SRC: variants seen among roughly 807,000 people sequenced by gnomAD.
SRC encodes the protein proto-oncogene tyrosine-protein kinase Src.
In SRC, 13 loss-of-function variants were observed where a neutral mutation model predicts 62.9. The ratio of observed to expected loss-of-function variants is 0.21; its 90% CI spans 0.13 to 0.33. SRC has a LOEUF of 0.33. Among genes scored for constraint, SRC ranks in the 10% least tolerant of loss-of-function variants. The pLI is 1.00. For synonymous variants in SRC, 302 were observed against 317.5 expected (o/e 0.95, Z 0.52); for missense variants, 457 against 737.3 (o/e 0.62, Z 4.40).
Position 37,398,646 on chromosome 20 carries a change from G to T in SRC, c.859+792G>T, listed in dbSNP as rs906202323. 2.0e-5 allele frequency among the ~76,000 whole-genome samples: 3 copies of T among 152,260 alleles called. No individual in the cohort carries two copies. The highest frequency in any genetic ancestry group is 4.4e-5 in the Non-Finnish European group (3 of 68,042). The stretch of plus-strand genomic sequence containing the variant: ...TGGAGGCTGGAGGTCAGGCTGTCCG[G>T]GAAGGGGAGGCGTGGGCTTTGAGCT... On this transcript the variant is annotated intron_variant, in intron 9 of 13. Transcript: ENST00000373578. The surrounding 1 kb of genome is among the most constrained non-coding windows in gnomAD (Gnocchi z 5.2).
intron 1 of SRC, among the ~76,000 whole-genome samples, chr20:37,349,927 C>T (rs576204153): frequency 1.6e-4 from 25 of 152,356 alleles, no homozygotes; most frequent in African/African-American, 6.0e-4. Flanking sequence ...AGTACTAAGA[C>T]CCAGGAAGGG....
At position 37,384,081 on chromosome 20, in the gene SRC, T is replaced by C; in HGVS notation, c.-4-69T>C. On this transcript the variant is annotated intron_variant, in intron 3 of 13. Coordinates refer to ENST00000373578, the MANE Select transcript of SRC (RefSeq NM_198291.3). This position sits in a 1 kb window ranked among gnomAD's most constrained non-coding sequence, Gnocchi z 6.7. The stretch of plus-strand genomic sequence containing the variant: ...TCGTTTTCCCTATCTGTGGAATGGG[T>C]GGGAGGGAGGCCGGCCAAGGGGCCC... The C allele has an allele frequency of 6.4e-7, 1 of 1,564,048 alleles. No individual in the cohort carries two copies.
chr20:37,385,554 G>A (rs1168866115), intron 4 of SRC, among the ~76,000 whole-genome samples: 1 of 152,070 alleles, frequency 6.6e-6, no homozygotes, highest in East Asian at 1.9e-4. Context: ...TTAAAATGGT[G>A]GAAGGGGGTA....
rs6017990 is a variant in SRC at position 37,357,173 on chromosome 20, C to T, written c.-246-8031C>T. 1.9e-4 allele frequency among the ~76,000 whole-genome samples: 29 copies of T among 152,320 alleles called. No individual in the cohort carries two copies. The East Asian group carries it at 5.4e-3, about 28-fold the overall frequency. ...CGGATGGAGCTTGAGAGCCCCTGTC[C>T]TTGGGGAGCAGGGGACTGCTTGCCC... On this transcript the variant is annotated intron_variant, in intron 1 of 13. Coordinates refer to ENST00000373578, the MANE Select transcript of SRC (RefSeq NM_198291.3).
At chr20:37,401,772 C>A in intron 11 of SRC, 94 bp downstream of exon 11, 2 of 847,616 alleles carry the variant, frequency 2.4e-6, no homozygotes, top group East Asian at 2.8e-5. Flanking sequence ...GTGCCCCCTC[C>A]AAGAAGCCTG....
At chr20:37,401,988 A>G (rs1279703395) in intron 11 of SRC, 3 of 370,730 alleles carry the variant, frequency 8.1e-6, no homozygotes, top group Non-Finnish European at 1.4e-5. Context: ...TGCTGTAGGC[A>G]GTGGTCAACA....
rs2147133964 is a variant in SRC, at chr20:37,404,896, ATGTGTGCG to A, written c.*1521_*1528del. On this transcript the variant is annotated 3_prime_UTR_variant, in exon 14 of 14. Transcript: ENST00000373578. ...TCCCTGTGTGTGTGTATGTGTGTGC[ATGTGTGCG>A]TGTCTCCATGTGCGTCCATATTTAA... 1 of 233,774 alleles carries A rather than the reference ATGTGTGCG, an allele frequency of 4.3e-6. No homozygotes were observed. Among genetic ancestry groups the A allele is most frequent in the South Asian group, 1.8e-4 (1 of 5,528 alleles). 14.5% of individuals were successfully genotyped at this position (233,774 alleles called of 1,614,324 possible). A position where few individuals can be genotyped will look rare whatever the true frequency, so the allele number is the denominator to read the frequency against.
In SRC at chr20:37,384,634, T is replaced by G. The variant is rs2070421659; in HGVS notation, c.250+231T>G. Among the ~76,000 whole-genome samples the G allele has an allele frequency of 4.1e-4, 1 of 2,426 alleles. No individual in the cohort carries two copies. The highest frequency in any genetic ancestry group is 1.5e-3 in the African/African-American group (1 of 662). 1.6% of individuals were successfully genotyped at this position (2,426 alleles called of 152,430 possible). On this transcript the variant is annotated intron_variant, in intron 4 of 13. Transcript: ENST00000373578. The surrounding 1 kb of genome is among the most constrained non-coding windows in gnomAD (Gnocchi z 6.7). ...GAGCAAGCGCAAAAGACACGGGGTGTGGTTAATGGGTTCTAATTGGACGCT... is the reference window on the plus strand; with the variant it reads ...GAGCAAGCGCAAAAGACACGGGGTGGGGTTAATGGGTTCTAATTGGACGCT...
At chr20:37,345,202 C>T (rs937383541), upstream of SRC, among the ~76,000 whole-genome samples, 1 of 152,172 alleles carries the variant, frequency 6.6e-6, no homozygotes, top group Non-Finnish European at 1.5e-5. Context: ...CCAGGCCCAC[C>T]TTTCCCTGTG....
intron 2 of SRC, among the ~76,000 whole-genome samples, chr20:37,366,502 TC>T (rs564725926): frequency 7.5e-4 from 115 of 152,344 alleles, no homozygotes; most frequent in African/African-American, 2.6e-3. Context: ...GAAAGAAACT[TC>T]ACCCATTACA....
At chr20:37,378,561 G>T (rs2070311632) in intron 2 of SRC, among the ~76,000 whole-genome samples, 2 of 152,292 alleles carry the variant, frequency 1.3e-5, no homozygotes, top group South Asian at 4.1e-4. Context: ...CACTGAAACA[G>T]TGTGTTGGGG....
chr20:37,348,290 CA>C (rs918729426), intron 1 of SRC, among the ~76,000 whole-genome samples: 6 of 152,072 alleles, frequency 3.9e-5, no homozygotes, highest in African/African-American at 1.4e-4. Context: ...TGATTGTGAC[CA>C]GGGGGGTGGG....
Position 37,396,113 on chromosome 20 carries a change from T to TA in SRC, c.554-49_554-48insA. On this transcript the variant is annotated intron_variant, in intron 7 of 13. Coordinates refer to ENST00000373578, the MANE Select transcript of SRC (RefSeq NM_198291.3). This position sits in a 1 kb window ranked among gnomAD's most constrained non-coding sequence, Gnocchi z 6.1. ...CAGAACGGTGTCCAGAGCAGCGGCCTGCGGGGGGAGAGGGCATGGCGGTCA... is the reference window on the plus strand; with the variant it reads ...CAGAACGGTGTCCAGAGCAGCGGCCTAGCGGGGGGAGAGGGCATGGCGGTCA... The TA allele has an allele frequency of 6.3e-7, 1 of 1,596,944 alleles. No individual in the cohort carries two copies. The highest frequency in any genetic ancestry group is 8.5e-7 in the Non-Finnish European group (1 of 1,173,938).
intron 3 of SRC, chr20:37,383,739 CT>C (rs888134456): frequency 1.2e-3 from 189 of 160,608 alleles, no homozygotes; most frequent in Middle Eastern, 5.2e-3. Context: ...TCTTTTCTTT[CT>C]TTTTTTTTTG....
intron 2 of SRC, among the ~76,000 whole-genome samples, chr20:37,377,307 G>A (rs2070292752): frequency 6.6e-6 from 1 of 152,214 alleles, no homozygotes; most frequent in Non-Finnish European, 1.5e-5. Flanking sequence ...TTAAAGGGGA[G>A]GAAACTCACA....
intron 5 of SRC, among the ~76,000 whole-genome samples, chr20:37,389,430 G>C (rs1300622139): frequency 6.6e-6 from 1 of 152,190 alleles, no homozygotes; most frequent in African/African-American, 2.4e-5. Context: ...GGAGTCTAGA[G>C]CCTCGGGGTC....
intron 1 of SRC, among the ~76,000 whole-genome samples, chr20:37,359,270 C>G (rs566458205): frequency 6.6e-6 from 1 of 152,342 alleles, no homozygotes; most frequent in East Asian, 1.9e-4. Flanking sequence ...TTTCTGTGCT[C>G]AACAATGTTC....
At chr20:37,389,985 G>A (rs563669365) in intron 5 of SRC, among the ~76,000 whole-genome samples, 6 of 152,242 alleles carry the variant, frequency 3.9e-5, no homozygotes, top group South Asian at 2.1e-4. Flanking sequence ...ACTGGTGACC[G>A]CAGCCACCGG....
At chr20:37,373,047 T>C (rs2070193129) in intron 2 of SRC, among the ~76,000 whole-genome samples, 1 of 151,612 alleles carries the variant, frequency 6.6e-6, no homozygotes, top group Non-Finnish European at 1.5e-5. Context: ...CATATACACA[T>C]ATATACATAT....
Sources: allele counts gnomAD v4.1 joint callset (sites outside exome capture counted in the v4.1 genomes callset), GRCh38; gene constraint gnomAD v4.1.1; non-coding constraint Gnocchi (gnomAD v3.1); transcripts MANE v1.5; gene names NCBI Gene and HGNC (gene_info 2026-07-23, HGNC 2026-07-21).